GTF2B: variants seen among roughly 807,000 people sequenced by gnomAD.
The protein encoded by GTF2B is general transcription factor IIB.
Under a neutral mutation model 34.6 loss-of-function variants are expected in GTF2B, and 20 were observed. That is an observed-to-expected ratio of 0.58 (90% CI 0.41 to 0.84). The LOEUF is 0.84. Ranked by LOEUF, GTF2B falls within the 40% of genes least tolerant of loss-of-function variation. GTF2B has a pLI of 0.00. For synonymous variants in GTF2B, 142 were observed against 132.4 expected (o/e 1.07, Z -0.50); for missense variants, 237 against 393.3 (o/e 0.60, Z 3.36).
In GTF2B at chr1:88,857,197, G is replaced by A. The variant is rs200196818; in HGVS notation, c.817+9C>T. On this transcript the variant is annotated intron_variant, in intron 6 of 6. Transcript: ENST00000370500. ...GTTTACTGCCACACTTCCTGATGAC[G>A]AACCCTACCTTTTTGGGTCCTCTTT... 2.5e-5 allele frequency: 40 copies of A among 1,597,678 alleles called. No individual in the cohort carries two copies. The East Asian group carries it at 3.4e-4, about 13-fold the overall frequency.
chr1:88,872,493 T>C (rs912114761), intron 2 of GTF2B, among the ~76,000 whole-genome samples: 3 of 147,192 alleles, frequency 2.0e-5, no homozygotes, highest in Non-Finnish European at 4.5e-5. Flanking sequence ...GAAAGTAACC[T>C]TTTTACTGGT....
intron 2 of GTF2B, among the ~76,000 whole-genome samples, chr1:88,866,668 C>G (rs560228603): frequency 6.6e-6 from 1 of 152,274 alleles, no homozygotes; most frequent in East Asian, 1.9e-4. Context: ...TCGGCCTCCC[C>G]AAGTGCTGGG....
chr1:88,862,690 G>A (rs1173183163), intron 3 of GTF2B, among the ~76,000 whole-genome samples: 1 of 152,160 alleles, frequency 6.6e-6, no homozygotes, highest in Non-Finnish European at 1.5e-5. Flanking sequence ...CCAGGCTGGA[G>A]TGCAGTCGCG....
At chr1:88,854,195 G>T (rs1267030274) in intron 6 of GTF2B, among the ~76,000 whole-genome samples, 1 of 151,986 alleles carries the variant, frequency 6.6e-6, no homozygotes, top group African/African-American at 2.4e-5. Context: ...TCTGTTAAGG[G>T]GTCCTTATTA....
intron 2 of GTF2B, among the ~76,000 whole-genome samples, chr1:88,875,710 TA>T (rs1450413986): frequency 2.6e-5 from 4 of 152,234 alleles, no homozygotes; most frequent in Admixed American, 1.3e-4. Context: ...GGAAGATCTG[TA>T]ATGTAGCTTT....
Position 88,853,117 on chromosome 1 carries a change from G to GC in GTF2B, c.*95_*96insG. 1 of 1,128,144 alleles carries GC rather than the reference G, an allele frequency of 8.9e-7. No individual in the cohort carries two copies. Among genetic ancestry groups the GC allele is most frequent in the Non-Finnish European group, 1.4e-6 (1 of 739,242 alleles). The allele number at this position is 1,128,144 out of a possible 1,614,324, so 69.9% of individuals were successfully genotyped here. The stretch of plus-strand genomic sequence containing the variant: ...CCCTGGAATGCGTACCATGTCTTTT[G>GC]TTTTTCCTCATGAAAGGCTCAACCC... On this transcript the variant is annotated 3_prime_UTR_variant, in exon 7 of 7. Transcript: ENST00000370500.
At chr1:88,858,544 C>T (rs1443358266) in intron 5 of GTF2B, 2 of 152,092 alleles carry the variant, frequency 1.3e-5, no homozygotes, top group Non-Finnish European at 2.9e-5. Context: ...CCCTGCTATT[C>T]CCAGATGCAA....
chr1:88,853,822 T>C (rs1296351159), intron 6 of GTF2B, among the ~76,000 whole-genome samples: 1 of 152,140 alleles, frequency 6.6e-6, no homozygotes, highest in African/African-American at 2.4e-5. Context: ...TAATAAATGA[T>C]GTTTAAAAAT....
chr1:88,868,121 C>G (rs1673600763), intron 2 of GTF2B, among the ~76,000 whole-genome samples: 1 of 152,186 alleles, frequency 6.6e-6, no homozygotes, highest in Non-Finnish European at 1.5e-5. Context: ...TGAAGAAAAT[C>G]TAAATGGAGT....
At chr1:88,873,102 G>C (rs952331801) in intron 2 of GTF2B, among the ~76,000 whole-genome samples, 1 of 150,302 alleles carries the variant, frequency 6.7e-6, no homozygotes, top group African/African-American at 2.5e-5. Flanking sequence ...AGTACTCTCA[G>C]TCTTTATGGG....
intron 6 of GTF2B, among the ~76,000 whole-genome samples, chr1:88,854,963 A>G (rs1315928892): frequency 6.6e-6 from 1 of 152,260 alleles, no homozygotes; most frequent in Non-Finnish European, 1.5e-5. Flanking sequence ...ATACCAATAA[A>G]TGCCAACTAT....
intron 2 of GTF2B, among the ~76,000 whole-genome samples, chr1:88,869,719 T>C (rs1673644281): frequency 6.6e-6 from 1 of 151,988 alleles, no homozygotes; most frequent in Admixed American, 6.6e-5. Flanking sequence ...CCTCTGCCTC[T>C]GAGGTTCAAG....
At chr1:88,869,102 T>TA (rs1673628931) in intron 2 of GTF2B, among the ~76,000 whole-genome samples, 2 of 151,766 alleles carry the variant, frequency 1.3e-5, no homozygotes, top group Admixed American at 1.3e-4. Context: ...GGAGAAAAAA[T>TA]ACGCCTGTAC....
chr1:88,874,584 C>T (rs899241564), intron 2 of GTF2B, among the ~76,000 whole-genome samples: 8 of 150,224 alleles, frequency 5.3e-5, no homozygotes, highest in Non-Finnish European at 1.0e-4. Context: ...CCCAAGTGAT[C>T]CTCCCGCCTC....
At chr1:88,863,064 C>G (rs1053645020) in intron 3 of GTF2B, among the ~76,000 whole-genome samples, 1 of 152,028 alleles carries the variant, frequency 6.6e-6, no homozygotes, top group African/African-American at 2.4e-5. Context: ...TTACTTCCAA[C>G]TCGGATAACA....
At chr1:88,882,390 A>ATGTC (rs1020898863) in intron 2 of GTF2B, among the ~76,000 whole-genome samples, 2 of 148,722 alleles carry the variant, frequency 1.3e-5, no homozygotes, top group Non-Finnish European at 3.0e-5. Context: ...AATCTCATGT[A>ATGTC]TGTCTGTCTC....
chr1:88,889,257 G>T (rs1674141965), intron 1 of GTF2B, among the ~76,000 whole-genome samples: 1 of 152,166 alleles, frequency 6.6e-6, no homozygotes, highest in African/African-American at 2.4e-5. Context: ...TGGACCATTT[G>T]TATGTGTTAC....
chr1:88,876,929 A>T (rs1430594698), intron 2 of GTF2B, among the ~76,000 whole-genome samples: 1 of 152,210 alleles, frequency 6.6e-6, no homozygotes, highest in Non-Finnish European at 1.5e-5. Context: ...ACTAGGAGCA[A>T]TGGAGACACA....
At chr1:88,864,461 GA>G (rs1207091157) in intron 2 of GTF2B, among the ~76,000 whole-genome samples, 2 of 152,074 alleles carry the variant, frequency 1.3e-5, no homozygotes, top group Non-Finnish European at 2.9e-5. Flanking sequence ...ATAGGCATGG[GA>G]AAAAAAGAGA....
Sources: allele counts gnomAD v4.1 joint callset (sites outside exome capture counted in the v4.1 genomes callset), GRCh38; gene constraint gnomAD v4.1.1; transcripts MANE v1.5; gene names NCBI Gene and HGNC (gene_info 2026-07-23, HGNC 2026-07-21).